SLC9A2: variants seen among roughly 807,000 people sequenced by gnomAD.
SLC9A2 encodes the protein sodium/hydrogen exchanger 2.
Under a neutral mutation model 71.7 loss-of-function variants are expected in SLC9A2, and 42 were observed. The observed-to-expected ratio is 0.59, with a 90% CI of 0.46 to 0.76. SLC9A2 has a LOEUF of 0.76. Ranked by LOEUF, SLC9A2 falls within the 30% of genes least tolerant of loss-of-function variation. SLC9A2 has a pLI of 0.00. For synonymous variants in SLC9A2, 396 were observed against 392.5 expected (o/e 1.01, Z -0.10); for missense variants, 829 against 1,017.4 (o/e 0.81, Z 2.52).
intron 11 of SLC9A2, among the ~76,000 whole-genome samples, chr2:102,706,325 C>CAAAAAAAAAAAAAAAAAA (rs1321449192): frequency 3.5e-3 from 9 of 2,594 alleles, no homozygotes; most frequent in East Asian, 0.019. Context: ...GACTCCGTCT[C>CAAAAAAAAAAAAAAAAAA]AAAAAAAAAA....
chr2:102,630,597 G>A (rs1045958876), intron 1 of SLC9A2, among the ~76,000 whole-genome samples: 6 of 151,598 alleles, frequency 4.0e-5, no homozygotes, highest in South Asian at 2.1e-4. Flanking sequence ...GCTCTTTCAC[G>A]TTTTTCGTCT....
rs114051442 is a variant in SLC9A2 at position 102,663,975 on chromosome 2, T to C, written c.754-1125T>C. 5.4e-3 allele frequency among the ~76,000 whole-genome samples: 828 copies of C among 152,234 alleles called. 6 individuals are homozygous for C. Among genetic ancestry groups the C allele is most frequent in the African/African-American group, 0.019 (799 of 41,532 alleles). ...TGAAGCCTTCCTTAAACCAAGACTA[T>C]GTAAAGAACTAAACAACAGGCTGGG... On this transcript the variant is annotated intron_variant, in intron 2 of 11. Transcript: ENST00000233969.
intron 1 of SLC9A2, among the ~76,000 whole-genome samples, chr2:102,651,321 G>C (rs1456018818): frequency 6.6e-6 from 1 of 152,156 alleles, no homozygotes; most frequent in Non-Finnish European, 1.5e-5. Context: ...ACCAACTTCT[G>C]TCCCAGGGCC....
chr2:102,638,763 G>A (rs1676517570), intron 1 of SLC9A2, among the ~76,000 whole-genome samples: 1 of 152,254 alleles, frequency 6.6e-6, no homozygotes, highest in South Asian at 2.1e-4. Flanking sequence ...GGGAGGCCAA[G>A]GCAGGAGAAT....
intron 3 of SLC9A2, among the ~76,000 whole-genome samples, chr2:102,675,182 G>A (rs1169104565): frequency 6.6e-6 from 1 of 152,134 alleles, no homozygotes; most frequent in African/African-American, 2.4e-5. Context: ...ATCCTTTATA[G>A]TAAAGTAAAC....
intron 3 of SLC9A2, among the ~76,000 whole-genome samples, chr2:102,673,403 C>T (rs948627934): frequency 6.6e-6 from 1 of 152,148 alleles, no homozygotes; most frequent in Non-Finnish European, 1.5e-5. Flanking sequence ...TAAGATGAAT[C>T]ATACCATTGC....
chr2:102,636,585 C>T (rs1175274179), intron 1 of SLC9A2, among the ~76,000 whole-genome samples: 1 of 152,152 alleles, frequency 6.6e-6, no homozygotes, highest in African/African-American at 2.4e-5. Context: ...CCCTGGAAAG[C>T]TTTATATGGC....
intron 3 of SLC9A2, among the ~76,000 whole-genome samples, chr2:102,671,368 A>T (rs2104530628): frequency 6.6e-6 from 1 of 152,278 alleles, no homozygotes; most frequent in African/African-American, 2.4e-5. Context: ...CTGGGGTGGG[A>T]GGGGGAAAGG....
chr2:102,679,788 T>C (rs1327468732), intron 3 of SLC9A2, among the ~76,000 whole-genome samples: 1 of 152,226 alleles, frequency 6.6e-6, no homozygotes, highest in Non-Finnish European at 1.5e-5. Context: ...GTGAATGATA[T>C]GAACATAATT....
intron 7 of SLC9A2, among the ~76,000 whole-genome samples, chr2:102,698,680 C>T (rs1016101584): frequency 3.9e-5 from 6 of 152,122 alleles, no homozygotes; most frequent in African/African-American, 9.7e-5. Context: ...CCTTTGTCCT[C>T]GGACTAAGGA....
chr2:102,706,220 G>A (rs1469438165), intron 11 of SLC9A2, among the ~76,000 whole-genome samples: 2 of 52,300 alleles, frequency 3.8e-5, no homozygotes, highest in Non-Finnish European at 7.9e-5. Flanking sequence ...TCGGGAGGCT[G>A]AGGCAGGAGA....
intron 3 of SLC9A2, among the ~76,000 whole-genome samples, chr2:102,669,937 C>T (rs898013512): frequency 3.9e-5 from 6 of 152,170 alleles, no homozygotes; most frequent in African/African-American, 9.7e-5. Flanking sequence ...GGGGGAAGGG[C>T]GTACTTGGCC....
At chr2:102,627,094 T>A (rs942946959) in intron 1 of SLC9A2, among the ~76,000 whole-genome samples, 8 of 152,180 alleles carry the variant, frequency 5.3e-5, no homozygotes, top group Admixed American at 4.6e-4. Context: ...GAGACCAGCC[T>A]GGGCAACATA....
Position 102,708,434 on chromosome 2 carries a change from G to C in SLC9A2, c.2384G>C (p.Trp795Ser). 6.2e-7 allele frequency: 1 copy of C among 1,614,216 alleles called. No homozygotes were observed. The highest frequency in any genetic ancestry group is 8.5e-7 in the Non-Finnish European group (1 of 1,180,044). ...IPPKPPPRLV[W>S]RASEPGSRKA... The stretch of plus-strand genomic sequence containing the variant: ...CCCAAGCCGCCACCACGGCTGGTCT[G>C]GAGGGCATCGGAACCTGGAAGCCGG... The change falls in exon 12 of 12, where the codon TGG (tryptophan) becomes TCG (serine). Residue 795 changes from tryptophan to serine, a missense_variant. By Grantham distance (177) the Trp-to-Ser change is radical. Coordinates refer to ENST00000233969, the MANE Select transcript of SLC9A2 (RefSeq NM_003048.6).
intron 10 of SLC9A2, among the ~76,000 whole-genome samples, chr2:102,705,180 T>A (rs1677950712): frequency 2.0e-5 from 3 of 152,144 alleles, no homozygotes; most frequent in Admixed American, 1.3e-4. Context: ...CACTCCAGCC[T>A]GGATGACAGA....
chr2:102,664,744 G>A (rs1184644808), intron 2 of SLC9A2, among the ~76,000 whole-genome samples: 1 of 152,026 alleles, frequency 6.6e-6, no homozygotes, highest in African/African-American at 2.4e-5. Context: ...ACCAAGCAAT[G>A]GTAACATGAG....
At chr2:102,652,266 G>A (rs966093468) in intron 1 of SLC9A2, among the ~76,000 whole-genome samples, 1 of 152,172 alleles carries the variant, frequency 6.6e-6, no homozygotes, top group Non-Finnish European at 1.5e-5. Flanking sequence ...TCCATGGGCA[G>A]AAGACAGTGT....
Position 102,657,998 on chromosome 2 carries a change from G to C in SLC9A2, c.724G>C (p.Glu242Gln), listed in dbSNP as rs1558710025. ...GCAGCTCTACATCCTGGTCTTTGGA[G>C]AGTCCCTGCTGAATGATGCAGTAAC... Reference protein sequence around the residue: ...NEQLYILVFGESLLNDAVTVV... With the variant: ...NEQLYILVFGQSLLNDAVTVV... The change falls in exon 2 of 12, where the codon GAG becomes CAG. Residue 242 changes from glutamate to glutamine, a missense_variant. Glu to Gln is a conservative substitution (Grantham distance 29). Transcript: ENST00000233969. The C allele has an allele frequency of 6.2e-7, 1 of 1,612,106 alleles. No homozygotes were observed. The highest frequency in any genetic ancestry group is 2.2e-5 in the East Asian group (1 of 44,856).
intron 2 of SLC9A2, among the ~76,000 whole-genome samples, chr2:102,662,071 G>A (rs565641113): frequency 6.6e-6 from 1 of 152,242 alleles, no homozygotes; most frequent in South Asian, 2.1e-4. Flanking sequence ...GGTTGTTAAG[G>A]TAACGCTCCT....
Sources: allele counts gnomAD v4.1 joint callset (sites outside exome capture counted in the v4.1 genomes callset), GRCh38; gene constraint gnomAD v4.1.1; transcripts MANE v1.5; gene names NCBI Gene and HGNC (gene_info 2026-07-23, HGNC 2026-07-21).